KCNB2: variants seen among roughly 807,000 people sequenced by gnomAD.
KCNB2 encodes the protein potassium voltage-gated channel subfamily B member 2, also known as delayed rectifier potassium channel protein.
KCNB2 carries 15 observed loss-of-function variants against 61.5 expected under a neutral mutation model. That is an observed-to-expected ratio of 0.24 (90% CI 0.16 to 0.38). The LOEUF (loss-of-function observed/expected upper bound fraction) is 0.38, where lower values mean the gene tolerates loss of function less well. Among genes scored for constraint, KCNB2 ranks in the 10% least tolerant of loss-of-function variants. KCNB2 has a pLI of 1.00. For missense variants in KCNB2, 828 were observed against 1,125.2 expected, an observed-to-expected ratio of 0.74 and a Z score of 3.78; for synonymous variants, 457 against 446.0, an observed-to-expected ratio of 1.02 and a Z score of -0.31.
intron 2 of KCNB2, among the ~76,000 whole-genome samples, chr8:72,707,828 C>T (rs1288695272): frequency 3.3e-5 from 5 of 152,116 alleles, no homozygotes; most frequent in Non-Finnish European, 7.3e-5. Flanking sequence ...AAGGTATCAG[C>T]CAGCAGGAAA....
chr8:72,933,691 T>TGGTAGG (rs1450661722), intron 2 of KCNB2, among the ~76,000 whole-genome samples: 4 of 152,358 alleles, frequency 2.6e-5, no homozygotes, highest in African/African-American at 7.2e-5. Flanking sequence ...TACCCTGCCA[T>TGGTAGG]TGGCTTCTGA....
At chr8:72,561,762 G>GT (rs1563523556) in intron 1 of KCNB2, among the ~76,000 whole-genome samples, 26 of 14,756 alleles carry the variant, frequency 1.8e-3, no homozygotes, top group Admixed American at 1.7e-3. Context: ...TATATATATG[G>GT]ATATATATAT....
intron 2 of KCNB2, among the ~76,000 whole-genome samples, chr8:72,870,381 T>C (rs1209495714): frequency 1.3e-5 from 2 of 152,210 alleles, no homozygotes; most frequent in South Asian, 2.1e-4. Flanking sequence ...CATATTAAAA[T>C]TGTATAATTG....
intron 2 of KCNB2, among the ~76,000 whole-genome samples, chr8:72,651,717 A>G (rs1471073303): frequency 6.6e-6 from 1 of 152,122 alleles, no homozygotes; most frequent in Non-Finnish European, 1.5e-5. Flanking sequence ...CATCCAGTCG[A>G]TCCAGTAACC....
At chr8:72,728,364 A>G (rs1477496982) in intron 2 of KCNB2, among the ~76,000 whole-genome samples, 1 of 152,220 alleles carries the variant, frequency 6.6e-6, no homozygotes, top group Non-Finnish European at 1.5e-5. Flanking sequence ...CATACACGGC[A>G]TTCCATCCTA....
At chr8:72,607,009 A>G (rs1805461588) in intron 2 of KCNB2, among the ~76,000 whole-genome samples, 1 of 152,142 alleles carries the variant, frequency 6.6e-6, no homozygotes, top group South Asian at 2.1e-4. Flanking sequence ...AGATTTGGCT[A>G]GAGAAAAGAG....
chr8:72,734,628 G>C (rs1351007650), intron 2 of KCNB2, among the ~76,000 whole-genome samples: 1 of 152,080 alleles, frequency 6.6e-6, no homozygotes, highest in African/African-American at 2.4e-5. Flanking sequence ...ATATTCCCCG[G>C]GAGAAGAAAG....
At chr8:72,587,694 A>C (rs1807022021) in intron 2 of KCNB2, among the ~76,000 whole-genome samples, 1 of 152,096 alleles carries the variant, frequency 6.6e-6, no homozygotes, top group African/African-American at 2.4e-5. Context: ...TGATCACACC[A>C]CTGCACTCCA....
chr8:72,721,358 C>G (rs1378659379), intron 2 of KCNB2, among the ~76,000 whole-genome samples: 1 of 152,208 alleles, frequency 6.6e-6, no homozygotes. Flanking sequence ...GTGCTCTTTT[C>G]TCCTTTAAAA....
chr8:72,898,867 A>G (rs1428319912), intron 2 of KCNB2, among the ~76,000 whole-genome samples: 1 of 152,066 alleles, frequency 6.6e-6, no homozygotes, highest in East Asian at 1.9e-4. Flanking sequence ...CCCAATGTTT[A>G]GCTCCCACTT....
chr8:72,905,632 A>C (rs1806165054), intron 2 of KCNB2, among the ~76,000 whole-genome samples: 1 of 152,050 alleles, frequency 6.6e-6, no homozygotes, highest in Admixed American at 6.6e-5. Context: ...ATAGTCGGGG[A>C]GCACGAGTAT....
At chr8:72,873,604 A>C (rs1398965518) in intron 2 of KCNB2, among the ~76,000 whole-genome samples, 1 of 152,262 alleles carries the variant, frequency 6.6e-6, no homozygotes, top group African/African-American at 2.4e-5. Flanking sequence ...AAGCTGACCA[A>C]CAGGTGAACA....
chr8:72,718,192 A>G (rs1397846599), intron 2 of KCNB2, among the ~76,000 whole-genome samples: 1 of 152,180 alleles, frequency 6.6e-6, no homozygotes, highest in African/African-American at 2.4e-5. Context: ...GTGGAGAAAT[A>G]GGAACACTTT....
At chr8:72,843,481 T>A (rs1163628149) in intron 2 of KCNB2, among the ~76,000 whole-genome samples, 1 of 152,214 alleles carries the variant, frequency 6.6e-6, no homozygotes, top group Non-Finnish European at 1.5e-5. Context: ...GTTCAAGTCC[T>A]GAATATCCTT....
At chr8:72,772,305 TG>T (rs1382363449) in intron 2 of KCNB2, among the ~76,000 whole-genome samples, 4 of 152,228 alleles carry the variant, frequency 2.6e-5, no homozygotes, top group African/African-American at 9.6e-5. Context: ...TTCTTTGTTG[TG>T]GGGGCTTTCC....
intron 2 of KCNB2, among the ~76,000 whole-genome samples, chr8:72,818,940 G>T (rs1809447877): frequency 6.6e-6 from 1 of 152,058 alleles, no homozygotes; most frequent in South Asian, 2.1e-4. Context: ...TGGTTCTACT[G>T]CTTACCAGTT....
intron 2 of KCNB2, among the ~76,000 whole-genome samples, chr8:72,839,690 G>C (rs550715844): frequency 7.6e-6 from 1 of 132,282 alleles, no homozygotes; most frequent in East Asian, 2.2e-4. Context: ...TCGGCTCGCT[G>C]CAAGCTCCGC....
intron 2 of KCNB2, among the ~76,000 whole-genome samples, chr8:72,926,807 T>C (rs540654365): frequency 6.6e-6 from 1 of 152,348 alleles, no homozygotes; most frequent in Non-Finnish European, 1.5e-5. Context: ...TTCCCTTTGC[T>C]GCTGCCATGG....
At chr8:72,905,039 T>C (rs1806152624) in intron 2 of KCNB2, among the ~76,000 whole-genome samples, 1 of 152,162 alleles carries the variant, frequency 6.6e-6, no homozygotes. Flanking sequence ...ATCATGATGA[T>C]CTTTTAACCA....
Sources: gnomAD v4.1 joint callset for allele counts (sites outside exome capture counted in the v4.1 genomes callset) on GRCh38, gnomAD v4.1.1 for gene constraint, MANE v1.5 for transcripts, NCBI Gene and HGNC (gene_info 2026-07-23, HGNC 2026-07-21) for gene names.